Variants in GABRB2 observed in about 807,000 individuals in gnomAD.
GABRB2 encodes gamma-aminobutyric acid receptor subunit beta-2.
Under a neutral mutation model 54.7 loss-of-function variants are expected in GABRB2, and 16 were observed. The observed-to-expected ratio is 0.29, with a 90% CI of 0.20 to 0.44. The LOEUF is 0.44. Among genes scored for constraint, GABRB2 ranks in the 20% least tolerant of loss-of-function variants. The probability of loss-of-function intolerance (pLI) is 1.00; values close to 1 mark genes in which losing one functional copy is unlikely to be tolerated. For missense variants in GABRB2, 355 were observed against 644.0 expected, an observed-to-expected ratio of 0.55 and a Z score of 4.86; for synonymous variants, 244 against 233.8, an observed-to-expected ratio of 1.04 and a Z score of -0.40.
intron 3 of GABRB2, among the ~76,000 whole-genome samples, chr5:161,505,315 G>C (rs1320411298): frequency 1.3e-5 from 2 of 151,946 alleles, no homozygotes; most frequent in African/African-American, 4.8e-5. Flanking sequence ...ATTTTTAGTA[G>C]AGACAGGGTT....
intron 9 of GABRB2, among the ~76,000 whole-genome samples, chr5:161,302,109 CA>C (rs1241071112): frequency 6.6e-6 from 1 of 152,222 alleles, no homozygotes; most frequent in Non-Finnish European, 1.5e-5. Flanking sequence ...GCAACTGAAT[CA>C]GCTGTTCTGT....
At chr5:161,410,445 G>A (rs1317030589) in intron 5 of GABRB2, among the ~76,000 whole-genome samples, 1 of 150,908 alleles carries the variant, frequency 6.6e-6, no homozygotes, top group Admixed American at 6.6e-5. Flanking sequence ...CTCATCAGAT[G>A]GCCTTCAGCA....
chr5:161,496,212 G>C (rs908223580), intron 3 of GABRB2, among the ~76,000 whole-genome samples: 1 of 152,058 alleles, frequency 6.6e-6, no homozygotes, highest in Non-Finnish European at 1.5e-5. Context: ...AACCTCCCCA[G>C]CTCTTTTTTC....
At chr5:161,430,615 A>C (rs1757146303) in intron 4 of GABRB2, among the ~76,000 whole-genome samples, 1 of 152,172 alleles carries the variant, frequency 6.6e-6, no homozygotes, top group African/African-American at 2.4e-5. Context: ...GGATAGCTTG[A>C]TAACATGCTA....
intron 3 of GABRB2, among the ~76,000 whole-genome samples, chr5:161,484,672 C>T (rs931318452): frequency 6.6e-6 from 1 of 151,980 alleles, no homozygotes; most frequent in African/African-American, 2.4e-5. Context: ...GCTTACTTTG[C>T]GTTATGTAAA....
intron 4 of GABRB2, among the ~76,000 whole-genome samples, chr5:161,447,788 A>G (rs1269781584): frequency 1.3e-5 from 2 of 152,206 alleles, no homozygotes; most frequent in Admixed American, 6.5e-5. Context: ...TTTGGCAGTA[A>G]CTTCCATAGG....
intron 8 of GABRB2, among the ~76,000 whole-genome samples, chr5:161,328,297 C>T (rs1753714809): frequency 6.6e-6 from 1 of 152,086 alleles, no homozygotes; most frequent in African/African-American, 2.4e-5. Context: ...ATGGGGACTG[C>T]AAATTTTATT....
intron 4 of GABRB2, among the ~76,000 whole-genome samples, chr5:161,451,533 C>A (rs950407371): frequency 6.6e-6 from 1 of 152,108 alleles, no homozygotes; most frequent in African/African-American, 2.4e-5. Flanking sequence ...AATTGTGTCA[C>A]AAATAATTTT....
chr5:161,448,646 A>T (rs997125772), intron 4 of GABRB2, among the ~76,000 whole-genome samples: 31 of 152,140 alleles, frequency 2.0e-4, no homozygotes, highest in Non-Finnish European at 4.0e-4. Context: ...TTTGAAACTT[A>T]AAAACATGGT....
At chr5:161,535,788 A>G (rs1456949752) in intron 3 of GABRB2, among the ~76,000 whole-genome samples, 4 of 152,158 alleles carry the variant, frequency 2.6e-5, no homozygotes, top group African/African-American at 9.7e-5. Flanking sequence ...CCATGTTGAC[A>G]TTTGATCCCC....
At chr5:161,311,132 C>A (rs950975109) in intron 9 of GABRB2, among the ~76,000 whole-genome samples, 2 of 150,324 alleles carry the variant, frequency 1.3e-5, no homozygotes, top group Non-Finnish European at 3.0e-5. Context: ...GCTTTCATAT[C>A]TTTGATCTCC....
chr5:161,420,457 G>A (rs1361343297), intron 4 of GABRB2, among the ~76,000 whole-genome samples: 2 of 152,186 alleles, frequency 1.3e-5, no homozygotes, highest in African/African-American at 2.4e-5. Context: ...TAGACAGTTT[G>A]GACTTCCGAA....
At position 161,503,920 on chromosome 5, in the gene GABRB2, CA is replaced by C. The variant is rs1759524835; in HGVS notation, c.237+41306del. ...CTAGAATGATTACATTAAAAACTGA[CA>C]AATTAGACTTCTACATAAGGAACAT... On this transcript the variant is annotated intron_variant, in intron 3 of 9. Coordinates refer to ENST00000393959, the MANE Select transcript of GABRB2 (RefSeq NM_001371727.1). Among the ~76,000 whole-genome samples, 7 of 151,898 alleles carry C rather than the reference CA, an allele frequency of 4.6e-5. No individual in the cohort carries two copies. The South Asian group carries it at 1.5e-3, about 32-fold the overall frequency.
intron 3 of GABRB2, among the ~76,000 whole-genome samples, chr5:161,513,251 C>T (rs932482459): frequency 1.3e-5 from 2 of 151,956 alleles, no homozygotes; most frequent in African/African-American, 4.8e-5. Flanking sequence ...AACAGAACTA[C>T]CATTCGACCC....
intron 3 of GABRB2, among the ~76,000 whole-genome samples, chr5:161,519,421 A>T (rs1470898060): frequency 6.6e-6 from 1 of 152,208 alleles, no homozygotes; most frequent in East Asian, 1.9e-4. Flanking sequence ...AGAAGGCTTT[A>T]TGAAGCTCTC....
At chr5:161,450,849 C>T (rs113210710) in intron 4 of GABRB2, among the ~76,000 whole-genome samples, 5 of 151,786 alleles carry the variant, frequency 3.3e-5, no homozygotes, top group African/African-American at 9.6e-5. Context: ...CTATAACAGC[C>T]TATCGTATGC....
chr5:161,329,798 A>G (rs1043505874), intron 8 of GABRB2: 1 of 152,206 alleles, frequency 6.6e-6, no homozygotes, highest in Non-Finnish European at 1.5e-5. Context: ...AACAGTATTT[A>G]GGGCAGATAT....
At chr5:161,540,562 A>T (rs1392342698) in intron 3 of GABRB2, among the ~76,000 whole-genome samples, 4 of 152,188 alleles carry the variant, frequency 2.6e-5, no homozygotes, top group Non-Finnish European at 4.4e-5. Flanking sequence ...TAGAATGTGA[A>T]TCCTTTCCAG....
intron 4 of GABRB2, among the ~76,000 whole-genome samples, chr5:161,440,471 A>C (rs927357358): frequency 2.6e-5 from 4 of 152,186 alleles, no homozygotes; most frequent in African/African-American, 9.6e-5. Flanking sequence ...ATATTTCAAC[A>C]TCAAAACTAC....
Sources: allele counts gnomAD v4.1 joint callset (sites outside exome capture counted in the v4.1 genomes callset), GRCh38; gene constraint gnomAD v4.1.1; transcripts MANE v1.5; gene names NCBI Gene and HGNC (gene_info 2026-07-23, HGNC 2026-07-21).